Variants in LHFPL3 observed in about 807,000 individuals in gnomAD.
LHFPL3 encodes LHFPL tetraspan subfamily member 3.
A neutral mutation model predicts 19.3 loss-of-function variants in LHFPL3; 5 were observed. The ratio of observed to expected loss-of-function variants is 0.26; its 90% CI spans 0.14 to 0.54. The LOEUF (loss-of-function observed/expected upper bound fraction) is 0.54, where lower values mean the gene tolerates loss of function less well. Ranked by LOEUF, LHFPL3 falls within the 20% of genes least tolerant of loss-of-function variation. The pLI is 0.94. For synonymous variants in LHFPL3, 133 were observed against 126.2 expected (o/e 1.05, Z -0.36); for missense variants, 249 against 307.4 (o/e 0.81, Z 1.42).
intron 1 of LHFPL3, among the ~76,000 whole-genome samples, chr7:104,571,055 C>T (rs1309352861): frequency 6.6e-6 from 1 of 152,188 alleles, no homozygotes; most frequent in Non-Finnish European, 1.5e-5. Flanking sequence ...AAATGTGAGT[C>T]AGAATAGCAT....
chr7:104,417,874 TCTTC>T (rs1562890969), intron 1 of LHFPL3, among the ~76,000 whole-genome samples: 2 of 128,866 alleles, frequency 1.6e-5, no homozygotes, highest in African/African-American at 6.1e-5. Context: ...TTCTTCTTCT[TCTTC>T]TTCTTCTTTT....
At chr7:104,609,346 G>A (rs535974494) in intron 1 of LHFPL3, among the ~76,000 whole-genome samples, 17 of 152,116 alleles carry the variant, frequency 1.1e-4, no homozygotes, top group African/African-American at 4.1e-4. Flanking sequence ...ATTTTTATTT[G>A]CCATTTATAA....
At chr7:104,550,004 TCA>T (rs1429525503) in intron 1 of LHFPL3, among the ~76,000 whole-genome samples, 1 of 152,186 alleles carries the variant, frequency 6.6e-6, no homozygotes, top group African/African-American at 2.4e-5. Context: ...AGGAATTGGC[TCA>T]CACAGTTACG....
chr7:104,740,000 A>G (rs116529598), intron 2 of LHFPL3, among the ~76,000 whole-genome samples: 39 of 152,152 alleles, frequency 2.6e-4, no homozygotes, highest in African/African-American at 8.9e-4. Flanking sequence ...ACCTCATGGG[A>G]AGTGATTAGA....
intron 1 of LHFPL3, among the ~76,000 whole-genome samples, chr7:104,332,234 T>G (rs1049749255): frequency 7.3e-6 from 1 of 136,316 alleles, no homozygotes; most frequent in Non-Finnish European, 1.6e-5. Context: ...TTTTTTTTTT[T>G]TTTTTTTTTT....
chr7:104,571,164 C>G (rs1178688814), intron 1 of LHFPL3, among the ~76,000 whole-genome samples: 2 of 152,140 alleles, frequency 1.3e-5, no homozygotes, highest in Non-Finnish European at 1.5e-5. Flanking sequence ...CAACTTTACC[C>G]TAAATGGATT....
intron 1 of LHFPL3, among the ~76,000 whole-genome samples, chr7:104,504,075 A>T (rs1302244393): frequency 6.6e-6 from 1 of 151,734 alleles, no homozygotes; most frequent in Admixed American, 6.6e-5. Context: ...TCCAGGCCAG[A>T]CTCCATTCCT....
chr7:104,609,620 G>T (rs924755790), intron 1 of LHFPL3, among the ~76,000 whole-genome samples: 1 of 152,136 alleles, frequency 6.6e-6, no homozygotes. Context: ...TGACAATATT[G>T]TTATTACACA....
intron 1 of LHFPL3, among the ~76,000 whole-genome samples, chr7:104,506,386 C>G (rs1443142093): frequency 6.6e-6 from 1 of 152,160 alleles, no homozygotes; most frequent in Non-Finnish European, 1.5e-5. Flanking sequence ...CTTGCCTGAG[C>G]CCTCAAGGCT....
chr7:104,793,083 AC>A (rs1287270149), intron 2 of LHFPL3, among the ~76,000 whole-genome samples: 6 of 152,084 alleles, frequency 3.9e-5, no homozygotes, highest in Non-Finnish European at 2.9e-5. Context: ...TTTGGTAGAG[AC>A]GGGGTTCCAC....
intron 2 of LHFPL3, among the ~76,000 whole-genome samples, chr7:104,767,756 G>C (rs1794481154): frequency 6.6e-6 from 1 of 152,112 alleles, no homozygotes; most frequent in Admixed American, 6.5e-5. Flanking sequence ...GTTGGCTTGA[G>C]AACAAAAGCC....
intron 1 of LHFPL3, among the ~76,000 whole-genome samples, chr7:104,597,658 T>G (rs1790889944): frequency 6.6e-6 from 1 of 152,212 alleles, no homozygotes; most frequent in Admixed American, 6.5e-5. Context: ...GAACTAGAAT[T>G]ATCTTTGCCA....
chr7:104,788,327 G>C (rs187474436), intron 2 of LHFPL3, among the ~76,000 whole-genome samples: 2 of 152,234 alleles, frequency 1.3e-5, no homozygotes, highest in East Asian at 3.9e-4. Context: ...TTTCCAGAAG[G>C]CATCAGAGAT....
chr7:104,478,812 A>C (rs1793074989), intron 1 of LHFPL3, among the ~76,000 whole-genome samples: 1 of 152,192 alleles, frequency 6.6e-6, no homozygotes, highest in Non-Finnish European at 1.5e-5. Flanking sequence ...AGCACAAATA[A>C]AATGTCTTTG....
intron 1 of LHFPL3, among the ~76,000 whole-genome samples, chr7:104,406,760 C>G (rs1791423694): frequency 6.6e-6 from 1 of 152,362 alleles, no homozygotes; most frequent in East Asian, 1.9e-4. Context: ...TAGGTATTCA[C>G]TGATCTCTTC....
chr7:104,880,742 G>A (rs1293848589), intron 2 of LHFPL3, among the ~76,000 whole-genome samples: 2 of 151,974 alleles, frequency 1.3e-5, no homozygotes. Context: ...AATGCAGCTG[G>A]TCACCCAAGA....
intron 1 of LHFPL3, among the ~76,000 whole-genome samples, chr7:104,459,137 C>A (rs142059953): frequency 1.3e-5 from 2 of 152,340 alleles, no homozygotes; most frequent in African/African-American, 4.8e-5. Flanking sequence ...CTTTGAGTGA[C>A]TTTACCTTGT....
Position 104,399,958 on chromosome 7 carries a change from G to A in LHFPL3, c.445+70734G>A, listed in dbSNP as rs1043730403. Among the ~76,000 whole-genome samples, 1 of 151,146 alleles carries A rather than the reference G, an allele frequency of 6.6e-6. No homozygotes were observed. Among genetic ancestry groups the A allele is most frequent in the Non-Finnish European group, 1.5e-5 (1 of 67,762 alleles). ...GTCTCTACTAAAAATACAAAAATTA[G>A]CTGGGCATGGTGGCAGATGCCTGTA... On this transcript the variant is annotated intron_variant, in intron 1 of 2. Transcript: ENST00000424859. The surrounding 1 kb of genome is among the most constrained non-coding windows in gnomAD (Gnocchi z 4.4).
At chr7:104,575,261 A>G (rs1790303753) in intron 1 of LHFPL3, among the ~76,000 whole-genome samples, 2 of 152,252 alleles carry the variant, frequency 1.3e-5, no homozygotes, top group Admixed American at 6.5e-5. Context: ...TTTTCAAACT[A>G]TTGCTGTTTC....
Sources: allele counts gnomAD v4.1 joint callset (sites outside exome capture counted in the v4.1 genomes callset), GRCh38; gene constraint gnomAD v4.1.1; non-coding constraint Gnocchi (gnomAD v3.1); transcripts MANE v1.5; gene names NCBI Gene and HGNC (gene_info 2026-07-23, HGNC 2026-07-21).